Variants in LTA4H observed in about 807,000 individuals in gnomAD.
LTA4H encodes leukotriene A-4 hydrolase.
In LTA4H, 59 loss-of-function variants were observed where a neutral mutation model predicts 89.8. That is an observed-to-expected ratio of 0.66 (90% CI 0.53 to 0.82). The LOEUF (loss-of-function observed/expected upper bound fraction) is 0.82. LTA4H is among the 40% of genes least tolerant of loss of function. LTA4H has a pLI of 0.00. For missense variants in LTA4H, 617 were observed against 727.0 expected, an observed-to-expected ratio of 0.85 and a Z score of 1.74; for synonymous variants, 227 against 253.1, an observed-to-expected ratio of 0.90 and a Z score of 0.98.
At position 96,022,215 on chromosome 12, in the gene LTA4H, C is replaced by T; in HGVS notation, c.517G>A (p.Ala173Thr). ...TCAGGTGTTTCTCCATCACGAATAG[C>T]ACTCATAAGTGCCACCAGTTCTTTA... ...VPKELVALMS[A>T]IRDGETPDPE... The change falls in exon 5 of 19, where the codon GCT (alanine) becomes ACT (threonine). Residue 173 changes from alanine (A) to threonine (T), a missense_variant. Physicochemically the swap from Ala to Thr is moderately conservative, Grantham distance 58 (BLOSUM62 0). Coordinates refer to ENST00000228740, the MANE Select transcript of LTA4H (RefSeq NM_000895.3). The surrounding 1 kb of genome is among the most constrained non-coding windows in gnomAD (Gnocchi z 4.0). 1 of 1,613,760 alleles carries T rather than the reference C, an allele frequency of 6.2e-7. No individual in the cohort carries two copies. Among genetic ancestry groups the T allele is most frequent in the Non-Finnish European group, 8.5e-7 (1 of 1,179,748 alleles).
At chr12:96,026,529 T>C (rs1950514958) in intron 3 of LTA4H, among the ~76,000 whole-genome samples, 1 of 152,226 alleles carries the variant, frequency 6.6e-6, no homozygotes, top group Non-Finnish European at 1.5e-5. Context: ...GATTGTGCAA[T>C]TTGTACACTC....
chr12:96,022,812 G>T lies in LTA4H; in HGVS notation c.481-561C>A, dbSNP rs1311221506. Among the ~76,000 whole-genome samples, 2 of 152,092 alleles carry T rather than the reference G, an allele frequency of 1.3e-5. No individual in the cohort carries two copies. Among genetic ancestry groups the T allele is most frequent in the Non-Finnish European group, 2.9e-5 (2 of 68,030 alleles). On this transcript the variant is annotated intron_variant, in intron 4 of 18. Coordinates refer to ENST00000228740, the MANE Select transcript of LTA4H (RefSeq NM_000895.3). This position sits in a 1 kb window ranked among gnomAD's most constrained non-coding sequence, Gnocchi z 4.0. ...CCTGGCAATGGCAGCCACCATCCCT[G>T]CTCCCGCTACACTCACAAAACAGAT... is the stretch of plus-strand genomic sequence containing the variant.
intron 10 of LTA4H, among the ~76,000 whole-genome samples, chr12:96,016,372 A>G (rs1035187435): frequency 6.7e-6 from 1 of 148,864 alleles, no homozygotes; most frequent in Non-Finnish European, 1.5e-5. Flanking sequence ...GCACTTTGGG[A>G]GGCCGAGGTG....
Position 96,022,493 on chromosome 12 carries a change from A to C in LTA4H, c.481-242T>G, listed in dbSNP as rs1373411980. Among the ~76,000 whole-genome samples the C allele has an allele frequency of 1.3e-5, 2 of 152,190 alleles. No individual in the cohort carries two copies. Among genetic ancestry groups the C allele is most frequent in the African/African-American group, 4.8e-5 (2 of 41,436 alleles). ...TGTATATATATAAAACACATATACA[A>C]AAAGTATATATATACACATATACAT... On this transcript the variant is annotated intron_variant, in intron 4 of 18. Transcript: ENST00000228740. This position sits in a 1 kb window ranked among gnomAD's most constrained non-coding sequence, Gnocchi z 4.0.
At chr12:96,008,550 T>A (rs1258383485) in intron 15 of LTA4H, among the ~76,000 whole-genome samples, 1 of 151,994 alleles carries the variant, frequency 6.6e-6, no homozygotes, top group East Asian at 1.9e-4. Flanking sequence ...TTGCATACTT[T>A]TTTTTTTTAA....
Position 96,017,548 on chromosome 12 carries a change from T to C in LTA4H, c.876+9A>G. ...GAAGGTAAGGCCATAATGAAAAAGT[T>C]TAACTTACATTGGAGAGTGACTTGT... On this transcript the variant is annotated intron_variant, in intron 9 of 18. Coordinates refer to ENST00000228740, the MANE Select transcript of LTA4H (RefSeq NM_000895.3). 6.2e-7 allele frequency: 1 copy of C among 1,608,452 alleles called. No individual in the cohort carries two copies. Among genetic ancestry groups the C allele is most frequent in the Non-Finnish European group, 8.5e-7 (1 of 1,176,082 alleles).
chr12:96,008,236 A>G lies in LTA4H; in HGVS notation c.1434+858T>C, dbSNP rs111565649. The stretch of plus-strand genomic sequence containing the variant: ...AAAATGATAAATCTGTTGCAAATTA[A>G]TAGGAATAAAAGTATTCCTAAATCT... On this transcript the variant is annotated intron_variant, in intron 15 of 18. Coordinates refer to ENST00000228740, the MANE Select transcript of LTA4H (RefSeq NM_000895.3). Among the ~76,000 whole-genome samples, 73 of 152,356 alleles carry G rather than the reference A, an allele frequency of 4.8e-4. 1 individual carries two copies. The highest frequency in any genetic ancestry group is 1.5e-3 in the African/African-American group (64 of 41,586).
At chr12:96,003,118 T>A in intron 17 of LTA4H, 54 bp from the exon 18 acceptor site, 1 of 1,086,802 alleles carries the variant, frequency 9.2e-7, no homozygotes, top group Non-Finnish European at 1.4e-6. Flanking sequence ...AGGGGCAGGA[T>A]ATGACAGGTA....
intron 13 of LTA4H, 137 bp downstream of exon 13, chr12:96,013,613 T>C (rs1950335783): frequency 1.7e-6 from 1 of 605,904 alleles, no homozygotes; most frequent in Non-Finnish European, 2.9e-6. Flanking sequence ...ACATTTAAAA[T>C]AGAAAAAATA....
At position 96,015,646 on chromosome 12, in the gene LTA4H, T is replaced by A. The variant is rs1950363491; in HGVS notation, c.996A>T (p.Arg332=). 2 of 1,613,980 alleles carry A rather than the reference T, an allele frequency of 1.2e-6. No homozygotes were observed. Among genetic ancestry groups the A allele is most frequent in the Admixed American group, 3.3e-5 (2 of 59,998 alleles). Residue 332 remains arginine, a synonymous_variant, in exon 11 of 19, where the codon CGA becomes CGT. Transcript: ENST00000228740. ...AATGTCTGAACTTTTCACCAAACAA[T>A]CGTCCGCAAATGTGGCGTTCCAAGT... The part of the protein sequence containing the change: ...TVYLERHICG[R]LFGEKFRHFN...
intron 1 of LTA4H, among the ~76,000 whole-genome samples, chr12:96,030,516 AGATTTCTT>A (rs1950560960): frequency 6.6e-6 from 1 of 152,188 alleles, no homozygotes; most frequent in African/African-American, 2.4e-5. Context: ...ATTTCTCCCC[AGATTTCTT>A]GATTCTGTTA....
chr12:96,031,376 A>T (rs771724420), intron 1 of LTA4H, among the ~76,000 whole-genome samples: 42 of 152,342 alleles, frequency 2.8e-4, no homozygotes, highest in Middle Eastern at 6.8e-3. Context: ...CTAAGTCTCA[A>T]CTATCATTTG....
At position 96,018,844 on chromosome 12, in the gene LTA4H, A is replaced by T; in HGVS notation, c.771T>A (p.Tyr257Ter). 1 of 1,604,698 alleles carries T rather than the reference A, an allele frequency of 6.2e-7. No homozygotes were observed. Among genetic ancestry groups the T allele is most frequent in the Non-Finnish European group, 8.5e-7 (1 of 1,177,178 alleles). The part of the protein sequence containing the change: ...DLGGPYVWGQ[Y>*]DLLVLPPSFP... Reference sequence around the variant, plus strand: ...AGGATGGTGGCAGGACCAATAGGTCATACTGTCCCCATACATACGGTCCTC... The same window carrying T: ...AGGATGGTGGCAGGACCAATAGGTCTTACTGTCCCCATACATACGGTCCTC... The change falls in exon 8 of 19, where the codon TAT (tyrosine) becomes TAA (stop). Residue 257 changes from tyrosine to a stop codon, truncating the protein, a stop_gained. Transcript: ENST00000228740. LOFTEE classifies it high-confidence loss of function.
chr12:96,040,695 A>G (rs941630148), intron 1 of LTA4H, among the ~76,000 whole-genome samples: 4 of 152,218 alleles, frequency 2.6e-5, no homozygotes, highest in African/African-American at 9.6e-5. Flanking sequence ...GGAAATAGCC[A>G]GGTCTCTGGG....
chr12:96,023,249 T>C (rs1950474603), intron 4 of LTA4H, among the ~76,000 whole-genome samples: 1 of 152,210 alleles, frequency 6.6e-6, no homozygotes, highest in Non-Finnish European at 1.5e-5. Flanking sequence ...ACAACAATTG[T>C]AGATTCTAAA....
At chr12:96,041,834 G>A (rs1008416772) in intron 1 of LTA4H, among the ~76,000 whole-genome samples, 1 of 151,808 alleles carries the variant, frequency 6.6e-6, no homozygotes, top group Non-Finnish European at 1.5e-5. Context: ...ATAGAGATGG[G>A]GTTTCACCGT....
chr12:96,031,858 A>C (rs1950578578), intron 1 of LTA4H, among the ~76,000 whole-genome samples: 1 of 152,226 alleles, frequency 6.6e-6, no homozygotes, highest in African/African-American at 2.4e-5. Flanking sequence ...AACAAAGCAG[A>C]GTTTTTTTAA....
At chr12:96,034,006 C>T (rs1242364139) in intron 1 of LTA4H, among the ~76,000 whole-genome samples, 5 of 152,142 alleles carry the variant, frequency 3.3e-5, no homozygotes, top group African/African-American at 1.2e-4. Context: ...AGGAATCGAC[C>T]TATTTTTCAA....
intron 9 of LTA4H, 86 bp from the exon 10 acceptor site, chr12:96,017,200 A>G (rs1484454579): frequency 5.3e-6 from 5 of 950,086 alleles, no homozygotes; most frequent in South Asian, 1.4e-5. Context: ...ATGTTATTCA[A>G]TTTTTAAAAA....
Sources: allele counts gnomAD v4.1 joint callset (sites outside exome capture counted in the v4.1 genomes callset), GRCh38; gene constraint gnomAD v4.1.1; non-coding constraint Gnocchi (gnomAD v3.1); transcripts MANE v1.5; gene names NCBI Gene and HGNC (gene_info 2026-07-23, HGNC 2026-07-21).